GRM3: variants seen among roughly 807,000 people sequenced by gnomAD.
GRM3 encodes the protein glutamate metabotropic receptor 3, also known as metabotropic glutamate receptor 3.
A neutral mutation model predicts 70.5 loss-of-function variants in GRM3; 26 were observed. The ratio of observed to expected loss-of-function variants is 0.37; its 90% CI spans 0.27 to 0.51. The LOEUF (loss-of-function observed/expected upper bound fraction) is 0.51. Among genes scored for constraint, GRM3 ranks in the 20% least tolerant of loss-of-function variants. GRM3 has a pLI of 0.93. For missense variants in GRM3, 859 were observed against 1,123.8 expected, an observed-to-expected ratio of 0.76 and a Z score of 3.37; for synonymous variants, 443 against 434.9, an observed-to-expected ratio of 1.02 and a Z score of -0.23.
intron 1 of GRM3, among the ~76,000 whole-genome samples, chr7:86,676,878 C>A (rs1169664458): frequency 1.3e-5 from 2 of 151,918 alleles, no homozygotes; most frequent in African/African-American, 4.8e-5. Context: ...ATTATAGAGA[C>A]TTCTTTTGGC....
chr7:86,659,094 T>C (rs1793826348), intron 1 of GRM3, among the ~76,000 whole-genome samples: 2 of 152,174 alleles, frequency 1.3e-5, no homozygotes, highest in African/African-American at 4.8e-5. Context: ...CCTTTCTGAA[T>C]TCTGATAAAA....
At chr7:86,752,902 C>T (rs185034391) in intron 1 of GRM3, among the ~76,000 whole-genome samples, 1 of 152,168 alleles carries the variant, frequency 6.6e-6, no homozygotes, top group African/African-American at 2.4e-5. Context: ...AGTAAGGATG[C>T]TAACATTTTC....
chr7:86,706,793 C>CA (rs1286384499), intron 1 of GRM3, among the ~76,000 whole-genome samples: 2 of 151,098 alleles, frequency 1.3e-5, no homozygotes, highest in African/African-American at 4.9e-5. Context: ...CTTTAATTAG[C>CA]AAAAAAATAG....
intron 4 of GRM3, 105 bp from the exon 5 acceptor site, chr7:86,850,265 C>A: frequency 1.4e-6 from 1 of 714,484 alleles, no homozygotes; most frequent in South Asian, 1.7e-5. Context: ...ACAGAGCTGT[C>A]AATTATTCTG....
chr7:86,714,008 T>C (rs1472631108), intron 1 of GRM3, among the ~76,000 whole-genome samples: 2 of 151,926 alleles, frequency 1.3e-5, no homozygotes, highest in African/African-American at 4.8e-5. Context: ...GGAGGACTTA[T>C]CTGACAGACA....
chr7:86,859,986 G>A (rs1046502827), intron 5 of GRM3, among the ~76,000 whole-genome samples: 1 of 152,046 alleles, frequency 6.6e-6, no homozygotes, highest in Admixed American at 6.6e-5. Context: ...GAATTTATAA[G>A]GTCCTTTTCC....
At chr7:86,775,922 T>C (rs935830707) in intron 2 of GRM3, 1 of 152,140 alleles carries the variant, frequency 6.6e-6, no homozygotes, top group African/African-American at 2.4e-5. Context: ...TGTGTTTTTG[T>C]GTAAGTTTGT....
chr7:86,756,564 G>C (rs1378434881), intron 1 of GRM3, among the ~76,000 whole-genome samples: 1 of 152,074 alleles, frequency 6.6e-6, no homozygotes, highest in African/African-American at 2.4e-5. Context: ...TTTCTGATAA[G>C]TCAGCTATCA....
intron 3 of GRM3, among the ~76,000 whole-genome samples, chr7:86,805,263 T>C (rs911301726): frequency 6.6e-6 from 1 of 152,222 alleles, no homozygotes; most frequent in South Asian, 2.1e-4. Flanking sequence ...CTTTTTTTTA[T>C]TTTTTAAAAC....
intron 1 of GRM3, among the ~76,000 whole-genome samples, chr7:86,676,103 CT>C (rs558653180): frequency 2.0e-5 from 3 of 151,630 alleles, no homozygotes; most frequent in East Asian, 1.9e-4. Flanking sequence ...AAGCCTTAGG[CT>C]TTTTTTTCCC....
chr7:86,720,240 G>A (rs1262597972), intron 1 of GRM3, among the ~76,000 whole-genome samples: 2 of 152,040 alleles, frequency 1.3e-5, no homozygotes, highest in Admixed American at 6.6e-5. Context: ...ATAATTCCAG[G>A]GTTTCTTCAA....
At chr7:86,734,879 C>T (rs565720657) in intron 1 of GRM3, among the ~76,000 whole-genome samples, 5 of 152,178 alleles carry the variant, frequency 3.3e-5, no homozygotes, top group Non-Finnish European at 7.4e-5. Flanking sequence ...CTTTTATACA[C>T]GCACCCCAAT....
chr7:86,856,824 C>G (rs941532321), intron 5 of GRM3, among the ~76,000 whole-genome samples: 16 of 152,124 alleles, frequency 1.1e-4, no homozygotes, highest in African/African-American at 3.6e-4. Flanking sequence ...CTCTTTATCT[C>G]TAATATGTTG....
intron 2 of GRM3, chr7:86,775,856 A>G (rs752619857): frequency 1.3e-5 from 2 of 152,058 alleles, no homozygotes; most frequent in Non-Finnish European, 2.9e-5. Context: ...CCTATATGTT[A>G]CCTCTATATG....
intron 5 of GRM3, among the ~76,000 whole-genome samples, chr7:86,863,946 C>T (rs146053162): frequency 6.6e-6 from 1 of 152,220 alleles, no homozygotes; most frequent in East Asian, 1.9e-4. Context: ...TAGAAATTGA[C>T]CTACAATAGC....
At chr7:86,854,911 G>A (rs1195447097) in intron 5 of GRM3, among the ~76,000 whole-genome samples, 1 of 152,144 alleles carries the variant, frequency 6.6e-6, no homozygotes, top group Non-Finnish European at 1.5e-5. Flanking sequence ...ACATCCACAT[G>A]CAGTGATTTC....
intron 3 of GRM3, among the ~76,000 whole-genome samples, chr7:86,817,062 G>C (rs1237099035): frequency 6.6e-6 from 1 of 151,862 alleles, no homozygotes; most frequent in Non-Finnish European, 1.5e-5. Flanking sequence ...AAAATGAAAA[G>C]AAAAATAATC....
intron 1 of GRM3, among the ~76,000 whole-genome samples, chr7:86,743,438 T>A (rs1030252565): frequency 1.3e-5 from 2 of 152,132 alleles, no homozygotes; most frequent in African/African-American, 4.8e-5. Flanking sequence ...TATGGAGATT[T>A]TATGGCCCTT....
chr7:86,807,422 G>A (rs1797816709), intron 3 of GRM3, among the ~76,000 whole-genome samples: 1 of 148,832 alleles, frequency 6.7e-6, no homozygotes, highest in Non-Finnish European at 1.5e-5. Context: ...TTATTTTGTT[G>A]AGCAGTGGTT....
Sources: gnomAD v4.1 joint callset for allele counts (sites outside exome capture counted in the v4.1 genomes callset) on GRCh38, gnomAD v4.1.1 for gene constraint, MANE v1.5 for transcripts, NCBI Gene and HGNC (gene_info 2026-07-23, HGNC 2026-07-21) for gene names.